Variants in PHF24 observed in about 807,000 individuals in gnomAD.
The protein encoded by PHF24 is Galpha inhibitory interacting protein.
PHF24 carries 25 observed loss-of-function variants against 42.6 expected under a neutral mutation model. The ratio of observed to expected loss-of-function variants is 0.59; its 90% CI spans 0.43 to 0.82. The LOEUF (loss-of-function observed/expected upper bound fraction) is 0.82. Ranked by LOEUF, PHF24 falls within the 40% of genes least tolerant of loss-of-function variation. The pLI is 0.00. For synonymous variants in PHF24, 185 were observed against 204.8 expected (o/e 0.90, Z 0.83); for missense variants, 470 against 538.1 (o/e 0.87, Z 1.25).
At chr9:34,947,783 A>G in the PHF24 span, among the ~76,000 whole-genome samples, 1 of 152,146 alleles carries the variant, frequency 6.6e-6, no homozygotes, top group Non-Finnish European at 1.5e-5. Context: ...TTTAAGAAAA[A>G]AGTTTAAAAA....
the PHF24 span, among the ~76,000 whole-genome samples, chr9:34,943,582 C>G: frequency 2.6e-5 from 4 of 152,132 alleles, no homozygotes; most frequent in Non-Finnish European, 5.9e-5. Context: ...CTCCAAATGT[C>G]TAGGTATTTT....
chr9:34,856,333 C>G, the PHF24 span, among the ~76,000 whole-genome samples: 3 of 152,148 alleles, frequency 2.0e-5, no homozygotes, highest in African/African-American at 7.2e-5. Context: ...GTGTTGTGAT[C>G]ATTTGGAGAA....
At chr9:34,794,638 C>T in the PHF24 span, among the ~76,000 whole-genome samples, 3 of 152,000 alleles carry the variant, frequency 2.0e-5, no homozygotes, top group South Asian at 6.2e-4. Flanking sequence ...ACAGAAGAAC[C>T]AAATAAAAAA....
At chr9:34,777,567 A>T in the PHF24 span, among the ~76,000 whole-genome samples, 1 of 152,120 alleles carries the variant, frequency 6.6e-6, no homozygotes, top group African/African-American at 2.4e-5. Flanking sequence ...TGGAAAATGC[A>T]TGCCTCTCAC....
chr9:34,683,257 T>C, the PHF24 span, among the ~76,000 whole-genome samples: 1 of 152,178 alleles, frequency 6.6e-6, no homozygotes, highest in African/African-American at 2.4e-5. Flanking sequence ...GAAAGGGTTT[T>C]GCCATGTTGG....
chr9:34,675,875 G>A, the PHF24 span, among the ~76,000 whole-genome samples: 2 of 152,138 alleles, frequency 1.3e-5, no homozygotes, highest in African/African-American at 4.8e-5. Context: ...GAGGCTGCCT[G>A]AAGGAGATAG....
chr9:34,706,171 AT>A, the PHF24 span, among the ~76,000 whole-genome samples: 1 of 151,750 alleles, frequency 6.6e-6, no homozygotes. Context: ...GATAATACAT[AT>A]TATGTAATAG....
At chr9:34,884,107 T>C in the PHF24 span, among the ~76,000 whole-genome samples, 1 of 152,116 alleles carries the variant, frequency 6.6e-6, no homozygotes, top group African/African-American at 2.4e-5. Flanking sequence ...GAGAAAACTA[T>C]CACGAGGACA....
chr9:34,924,939 G>T, the PHF24 span, among the ~76,000 whole-genome samples: 2 of 151,912 alleles, frequency 1.3e-5, no homozygotes, highest in Non-Finnish European at 2.9e-5. Flanking sequence ...TTGTATATTG[G>T]CTCTACCTGT....
chr9:34,707,157 T>C, the PHF24 span, among the ~76,000 whole-genome samples: 459 of 152,192 alleles, frequency 3.0e-3, 9 homozygotes, highest in Middle Eastern at 0.041. Flanking sequence ...GACTGTTGAG[T>C]AGATGGCTTC....
chr9:34,841,220 C>T, the PHF24 span, among the ~76,000 whole-genome samples: 2 of 152,094 alleles, frequency 1.3e-5, no homozygotes, highest in Admixed American at 6.5e-5. Flanking sequence ...AGGATGGTCT[C>T]GATCTCCTGA....
At chr9:34,928,446 C>G in the PHF24 span, among the ~76,000 whole-genome samples, 6 of 152,168 alleles carry the variant, frequency 3.9e-5, no homozygotes, top group South Asian at 6.2e-4. Context: ...TATATACCCA[C>G]AAAAATTAAA....
At chr9:34,707,422 A>G in the PHF24 span, among the ~76,000 whole-genome samples, 1 of 152,190 alleles carries the variant, frequency 6.6e-6, no homozygotes, top group Non-Finnish European at 1.5e-5. Context: ...CTGATGTTGA[A>G]TTTCTCATCA....
chr9:34,918,831 G>A, the PHF24 span, among the ~76,000 whole-genome samples: 12 of 152,256 alleles, frequency 7.9e-5, no homozygotes, highest in East Asian at 2.3e-3. Flanking sequence ...CACTTTGCAT[G>A]ATTTCAGCAT....
At chr9:34,927,581 A>G in the PHF24 span, among the ~76,000 whole-genome samples, 2 of 152,186 alleles carry the variant, frequency 1.3e-5, no homozygotes, top group Non-Finnish European at 2.9e-5. Flanking sequence ...AGGTTTTTGC[A>G]GTGCCAGTGG....
the PHF24 span, among the ~76,000 whole-genome samples, chr9:34,773,084 G>A: frequency 1.3e-5 from 2 of 151,582 alleles, no homozygotes; most frequent in African/African-American, 2.4e-5. Flanking sequence ...TCCGCCTCGC[G>A]GGTTCAAGTG....
the PHF24 span, among the ~76,000 whole-genome samples, chr9:34,926,909 C>T: frequency 1.3e-5 from 2 of 152,034 alleles, no homozygotes; most frequent in African/African-American, 4.8e-5. This position sits in a 1 kb window ranked among gnomAD's most constrained non-coding sequence, Gnocchi z 4.3. Context: ...GGTTTGGGGT[C>T]GTGCCTACCG....
the PHF24 span, among the ~76,000 whole-genome samples, chr9:34,806,646 A>G: frequency 6.6e-6 from 1 of 152,116 alleles, no homozygotes; most frequent in Non-Finnish European, 1.5e-5. Context: ...TTTAGTAGAG[A>G]CAGGGTTTCA....
chr9:34,668,375 A>G, the PHF24 span, among the ~76,000 whole-genome samples: 3 of 152,208 alleles, frequency 2.0e-5, no homozygotes, highest in African/African-American at 7.2e-5. Flanking sequence ...GCACATCTAC[A>G]TCACACAGGT....
Sources: gnomAD v4.1 joint callset for allele counts (sites outside exome capture counted in the v4.1 genomes callset) on GRCh38, gnomAD v4.1.1 for gene constraint, Gnocchi (gnomAD v3.1) non-coding constraint, MANE v1.5 for transcripts, NCBI Gene and HGNC (gene_info 2026-07-23, HGNC 2026-07-21) for gene names.